ATP8A2: variants seen among roughly 807,000 people sequenced by gnomAD.
The protein encoded by ATP8A2 is ATPase phospholipid transporting 8A2, also known as phospholipid-transporting ATPase IB.
ATP8A2 carries 100 observed loss-of-function variants against 165.6 expected under a neutral mutation model. The observed-to-expected ratio is 0.60, with a 90% CI of 0.51 to 0.71. ATP8A2 has a LOEUF of 0.71. Among genes scored for constraint, ATP8A2 ranks in the 30% least tolerant of loss-of-function variants. ATP8A2 has a pLI of 0.00. For synonymous variants in ATP8A2, 543 were observed against 548.8 expected (o/e 0.99, Z 0.15); for missense variants, 1,227 against 1,479.5 (o/e 0.83, Z 2.80).
chr13:25,674,967 A>G (rs772718143), intron 24 of ATP8A2, among the ~76,000 whole-genome samples: 1 of 152,198 alleles, frequency 6.6e-6, no homozygotes, highest in Non-Finnish European at 1.5e-5. Flanking sequence ...CACCAAAAGG[A>G]CGTAAGTCTA....
chr13:25,479,995 T>C (rs1468306058), intron 2 of ATP8A2, among the ~76,000 whole-genome samples: 1 of 152,228 alleles, frequency 6.6e-6, no homozygotes, highest in Non-Finnish European at 1.5e-5. Flanking sequence ...CCGTTCTCAA[T>C]GAGCTGTTGG....
At chr13:25,432,424 C>T (rs1376817198) in intron 1 of ATP8A2, among the ~76,000 whole-genome samples, 1 of 152,204 alleles carries the variant, frequency 6.6e-6, no homozygotes, top group East Asian at 1.9e-4. Context: ...CCAGCCACTG[C>T]ATGTCAGGTG....
At chr13:25,507,466 A>T (rs1219234441) in intron 2 of ATP8A2, among the ~76,000 whole-genome samples, 1 of 151,964 alleles carries the variant, frequency 6.6e-6, no homozygotes, top group African/African-American at 2.4e-5. Flanking sequence ...GGGTTTCACC[A>T]TGTTGGCCAG....
At chr13:25,624,567 T>A (rs1319563542) in intron 24 of ATP8A2, among the ~76,000 whole-genome samples, 1 of 152,188 alleles carries the variant, frequency 6.6e-6, no homozygotes, top group Non-Finnish European at 1.5e-5. Flanking sequence ...TTAGAGAGTA[T>A]TGTATGTAGG....
chr13:25,591,025 A>C (rs1247950990), intron 24 of ATP8A2, among the ~76,000 whole-genome samples: 6 of 152,014 alleles, frequency 3.9e-5, no homozygotes, highest in African/African-American at 1.5e-4. Context: ...CCTGGAGTCT[A>C]ATTCTCACAT....
At chr13:25,723,771 C>A (rs1455368753) in intron 25 of ATP8A2, among the ~76,000 whole-genome samples, 2 of 152,050 alleles carry the variant, frequency 1.3e-5, no homozygotes, top group Admixed American at 6.5e-5. Context: ...CTCCACGTAA[C>A]CCCCGAGACT....
intron 33 of ATP8A2, among the ~76,000 whole-genome samples, chr13:25,902,721 G>T (rs1953796057): frequency 6.6e-6 from 1 of 152,038 alleles, no homozygotes; most frequent in African/African-American, 2.4e-5. Context: ...CCAAGACTCA[G>T]GTCTTCATTC....
At chr13:25,681,533 C>T (rs1485968282) in intron 24 of ATP8A2, among the ~76,000 whole-genome samples, 7 of 152,140 alleles carry the variant, frequency 4.6e-5, no homozygotes, top group Admixed American at 2.0e-4. Context: ...GTTCAGTCCA[C>T]GCAGGGAAAC....
intron 30 of ATP8A2, among the ~76,000 whole-genome samples, chr13:25,844,876 T>C (rs1427340700): frequency 6.6e-6 from 1 of 152,222 alleles, no homozygotes; most frequent in Non-Finnish European, 1.5e-5. Context: ...ACCTCAGGTA[T>C]ATATCAACAG....
intron 1 of ATP8A2, among the ~76,000 whole-genome samples, chr13:25,412,329 C>T (rs987323713): frequency 6.6e-6 from 1 of 152,096 alleles, no homozygotes; most frequent in Non-Finnish European, 1.5e-5. Context: ...TGAGAAATTG[C>T]TTATTCTATA....
intron 25 of ATP8A2, among the ~76,000 whole-genome samples, chr13:25,747,899 T>A (rs2044068928): frequency 6.6e-6 from 1 of 152,234 alleles, no homozygotes; most frequent in Non-Finnish European, 1.5e-5. Context: ...TTAGCTGGCT[T>A]TGTTCAGATA....
At chr13:25,554,700 C>T (rs963253016) in intron 12 of ATP8A2, among the ~76,000 whole-genome samples, 1 of 152,022 alleles carries the variant, frequency 6.6e-6, no homozygotes, top group African/African-American at 2.4e-5. Flanking sequence ...GCTGGGATTA[C>T]AGACATGCAC....
At chr13:25,584,316 A>G (rs559692253) in intron 23 of ATP8A2, among the ~76,000 whole-genome samples, 1 of 152,324 alleles carries the variant, frequency 6.6e-6, no homozygotes, top group South Asian at 2.1e-4. Context: ...GTCATGCTCT[A>G]GATACAGAGT....
At chr13:25,450,722 G>A (rs1002481379) in intron 1 of ATP8A2, among the ~76,000 whole-genome samples, 2 of 151,976 alleles carry the variant, frequency 1.3e-5, no homozygotes, top group East Asian at 1.9e-4. Context: ...TAATAGAGAC[G>A]GGGTTTCACC....
chr13:25,588,993 C>T (rs1336287158), intron 23 of ATP8A2, among the ~76,000 whole-genome samples: 2 of 152,134 alleles, frequency 1.3e-5, no homozygotes, highest in Non-Finnish European at 2.9e-5. Context: ...AATAGTTCTC[C>T]TGCTGGGAGG....
intron 24 of ATP8A2, among the ~76,000 whole-genome samples, chr13:25,696,484 A>C (rs112348014): frequency 6.6e-6 from 1 of 152,198 alleles, no homozygotes; most frequent in African/African-American, 2.4e-5. Flanking sequence ...CAGTGAAGCC[A>C]CCTTCATCAA....
intron 1 of ATP8A2, among the ~76,000 whole-genome samples, chr13:25,441,766 T>C (rs2034937117): frequency 6.6e-6 from 1 of 152,176 alleles, no homozygotes; most frequent in Non-Finnish European, 1.5e-5. Flanking sequence ...TAACATAGAA[T>C]TTACTATCTC....
intron 33 of ATP8A2, among the ~76,000 whole-genome samples, chr13:25,935,684 G>A (rs1172721673): frequency 1.3e-5 from 2 of 152,092 alleles, no homozygotes; most frequent in African/African-American, 4.8e-5. Context: ...GAGATCTCCT[G>A]CAAACTCCTT....
chr13:25,662,947 T>G (rs2042081277), intron 24 of ATP8A2, among the ~76,000 whole-genome samples: 1 of 152,198 alleles, frequency 6.6e-6, no homozygotes, highest in South Asian at 2.1e-4. Context: ...GGAAAGGGGT[T>G]CATCTGGAAC....
Sources: gnomAD v4.1 joint callset for allele counts (sites outside exome capture counted in the v4.1 genomes callset) on GRCh38, gnomAD v4.1.1 for gene constraint, MANE v1.5 for transcripts, NCBI Gene and HGNC (gene_info 2026-07-23, HGNC 2026-07-21) for gene names.